NXPH1: variants seen among roughly 807,000 people sequenced by gnomAD.
NXPH1 encodes neurexophilin-1.
Under a neutral mutation model 23.7 loss-of-function variants are expected in NXPH1, and 5 were observed. The ratio of observed to expected loss-of-function variants is 0.21; its 90% confidence interval spans 0.11 to 0.44. The LOEUF (loss-of-function observed/expected upper bound fraction) is 0.44, where lower values mean the gene tolerates loss of function less well. NXPH1 is among the 20% of genes least tolerant of loss of function. The probability of loss-of-function intolerance (pLI) is 0.99; values close to 1 mark genes in which losing one functional copy is unlikely to be tolerated. For synonymous variants in NXPH1, 144 were observed against 122.2 expected, an observed-to-expected ratio of 1.18 and a Z score of -1.18; for missense variants, 324 against 321.6, an observed-to-expected ratio of 1.01 and a Z score of -0.06.
intron 2 of NXPH1, among the ~76,000 whole-genome samples, chr7:8,531,710 A>G (rs529177454): frequency 1.3e-5 from 2 of 152,350 alleles, no homozygotes; most frequent in Admixed American, 6.5e-5. Flanking sequence ...TACATGGCAC[A>G]TAGTAGGCAC....
rs1439597582 is a variant in NXPH1, at chr7:8,751,274, G to A, written c.321G>A (p.Arg107=). ...LQEPRPRAKR[R]PIVKTGKFKK... is the part of the protein sequence containing the mutation. ...AGCCTCGGCCCAGGGCCAAGAGAAG[G>A]CCCATTGTTAAAACGGGCAAGTTTA... The change falls in exon 3 of 3, where the codon AGG becomes AGA. Residue 107 remains arginine (R), a synonymous_variant. Transcript: ENST00000405863. This position sits in a 1 kb window ranked among gnomAD's most constrained non-coding sequence, Gnocchi z 4.5. 1 of 1,613,806 alleles carries A rather than the reference G, an allele frequency of 6.2e-7. No homozygotes were observed. Among genetic ancestry groups the A allele is most frequent in the Non-Finnish European group, 8.5e-7 (1 of 1,179,844 alleles).
chr7:8,551,879 G>C (rs1041016068), intron 2 of NXPH1, among the ~76,000 whole-genome samples: 2 of 151,312 alleles, frequency 1.3e-5, no homozygotes, highest in Non-Finnish European at 3.0e-5. Flanking sequence ...TCTTCACCTT[G>C]TTCACCAAGT....
At chr7:8,524,330 C>T (rs536827532) in intron 2 of NXPH1, among the ~76,000 whole-genome samples, 1 of 150,902 alleles carries the variant, frequency 6.6e-6, no homozygotes, top group Admixed American at 6.6e-5. Flanking sequence ...AAATCTTGGT[C>T]AATATATATC....
chr7:8,527,440 G>T (rs1424176899), intron 2 of NXPH1, among the ~76,000 whole-genome samples: 1 of 152,134 alleles, frequency 6.6e-6, no homozygotes, highest in Non-Finnish European at 1.5e-5. Flanking sequence ...GCAACATTTT[G>T]TCTTTTTGGA....
intron 2 of NXPH1, among the ~76,000 whole-genome samples, chr7:8,487,421 G>T (rs1421692257): frequency 6.6e-6 from 1 of 152,064 alleles, no homozygotes; most frequent in African/African-American, 2.4e-5. Flanking sequence ...CTCCTCATTT[G>T]CCTTCTTCCT....
intron 2 of NXPH1, among the ~76,000 whole-genome samples, chr7:8,450,429 T>C (rs1409979240): frequency 6.6e-6 from 1 of 152,264 alleles, no homozygotes; most frequent in Non-Finnish European, 1.5e-5. Flanking sequence ...CCAACTAACT[T>C]AGCACAGGTC....
At chr7:8,654,078 A>G (rs1562443767) in intron 2 of NXPH1, among the ~76,000 whole-genome samples, 1 of 152,214 alleles carries the variant, frequency 6.6e-6, no homozygotes, top group Non-Finnish European at 1.5e-5. Context: ...GGCTAGCAGG[A>G]CAGCAGAAAT....
At chr7:8,606,641 T>A (rs1314741296) in intron 2 of NXPH1, among the ~76,000 whole-genome samples, 1 of 150,020 alleles carries the variant, frequency 6.7e-6, no homozygotes, top group Non-Finnish European at 1.5e-5. Flanking sequence ...GATACAGGAC[T>A]GCTGCCCTCT....
At chr7:8,464,328 C>G (rs569931355) in intron 2 of NXPH1, among the ~76,000 whole-genome samples, 1 of 152,246 alleles carries the variant, frequency 6.6e-6, no homozygotes, top group East Asian at 1.9e-4. Flanking sequence ...AGGAATATTT[C>G]TTTATGAAAA....
At chr7:8,554,952 A>C (rs969248242) in intron 2 of NXPH1, among the ~76,000 whole-genome samples, 2 of 151,712 alleles carry the variant, frequency 1.3e-5, no homozygotes, top group African/African-American at 4.8e-5. Flanking sequence ...CTTGAATCAC[A>C]GGGGTGTTAA....
chr7:8,622,958 G>A, intron 2 of NXPH1, among the ~76,000 whole-genome samples: 1 of 152,274 alleles, frequency 6.6e-6, no homozygotes, highest in Middle Eastern at 3.4e-3. Context: ...GAAATTTATT[G>A]TTATTAATGA....
intron 2 of NXPH1, among the ~76,000 whole-genome samples, chr7:8,559,723 T>G (rs1434042445): frequency 6.6e-6 from 1 of 151,662 alleles, no homozygotes; most frequent in Non-Finnish European, 1.5e-5. Flanking sequence ...GTCCGTAAAC[T>G]TCACCTTATA....
intron 2 of NXPH1, among the ~76,000 whole-genome samples, chr7:8,466,801 G>A (rs561399837): frequency 2.0e-5 from 3 of 151,962 alleles, no homozygotes; most frequent in Non-Finnish European, 2.9e-5. Flanking sequence ...TTCTGTTTCC[G>A]ACCTGCCCCT....
At chr7:8,662,185 T>TACACACACAC (rs71017609) in intron 2 of NXPH1, among the ~76,000 whole-genome samples, 2 of 148,736 alleles carry the variant, frequency 1.3e-5, no homozygotes, top group Non-Finnish European at 3.0e-5. Context: ...TATATATATA[T>TACACACACAC]ATATACACAC....
chr7:8,699,999 C>T (rs1469484963), intron 2 of NXPH1, among the ~76,000 whole-genome samples: 1 of 152,078 alleles, frequency 6.6e-6, no homozygotes, highest in African/African-American at 2.4e-5. Context: ...TGTTAAAAAT[C>T]CAGTGTGAAC....
intron 2 of NXPH1, among the ~76,000 whole-genome samples, chr7:8,537,731 C>G (rs535461221): frequency 2.6e-4 from 40 of 152,054 alleles, no homozygotes; most frequent in African/African-American, 9.2e-4. Context: ...TAATATTTTT[C>G]TGGGCCTCAG....
chr7:8,684,769 C>T (rs2115179441), intron 2 of NXPH1, among the ~76,000 whole-genome samples: 1 of 152,220 alleles, frequency 6.6e-6, no homozygotes, highest in African/African-American at 2.4e-5. Context: ...TTATTATATT[C>T]CTCTGGAAAC....
chr7:8,726,919 C>T (rs938976523), intron 2 of NXPH1, among the ~76,000 whole-genome samples: 5 of 151,638 alleles, frequency 3.3e-5, no homozygotes, highest in Admixed American at 2.6e-4. Context: ...ACACTGACTT[C>T]CACAATGGTT....
At chr7:8,541,673 G>C (rs1818119128) in intron 2 of NXPH1, among the ~76,000 whole-genome samples, 1 of 151,526 alleles carries the variant, frequency 6.6e-6, no homozygotes, top group South Asian at 2.1e-4. Context: ...ATGTAATATG[G>C]AGTTAAAAAC....
Sources: allele counts gnomAD v4.1 joint callset (sites outside exome capture counted in the v4.1 genomes callset), GRCh38; gene constraint gnomAD v4.1.1; non-coding constraint Gnocchi (gnomAD v3.1); transcripts MANE v1.5; gene names NCBI Gene and HGNC (gene_info 2026-07-23, HGNC 2026-07-21).